Variants in HHAT observed in about 807,000 individuals in gnomAD.
HHAT encodes protein-cysteine N-palmitoyltransferase HHAT.
Under a neutral mutation model 70.8 loss-of-function variants are expected in HHAT, and 47 were observed. That is an observed-to-expected ratio of 0.66 (90% CI 0.53 to 0.85). HHAT has a LOEUF of 0.85. Ranked by LOEUF, HHAT falls within the 40% of genes least tolerant of loss-of-function variation. The pLI is 0.00. For missense variants in HHAT, 609 were observed against 604.8 expected (o/e 1.01, Z -0.07); for synonymous variants, 228 against 247.6 (o/e 0.92, Z 0.74).
chr1:210,419,378 G>A (rs1186309631), intron 7 of HHAT, among the ~76,000 whole-genome samples: 1 of 152,198 alleles, frequency 6.6e-6, no homozygotes, highest in Non-Finnish European at 1.5e-5. Flanking sequence ...TGTCTGTGGA[G>A]AAACCACTGT....
chr1:210,543,342 G>T (rs1202854202), intron 9 of HHAT, among the ~76,000 whole-genome samples: 1 of 141,446 alleles, frequency 7.1e-6, no homozygotes, highest in Non-Finnish European at 1.5e-5. Context: ...ATGCTCCAGG[G>T]TGTTTTTCTT....
At chr1:210,454,759 A>G (rs2093827230) in intron 7 of HHAT, among the ~76,000 whole-genome samples, 1 of 152,186 alleles carries the variant, frequency 6.6e-6, no homozygotes, top group African/African-American at 2.4e-5. Flanking sequence ...TCCTCCAGCA[A>G]CACATCTTTC....
intron 11 of HHAT, among the ~76,000 whole-genome samples, chr1:210,628,873 G>A (rs1232439982): frequency 6.6e-6 from 1 of 152,096 alleles, no homozygotes; most frequent in Non-Finnish European, 1.5e-5. Flanking sequence ...TTAAATTCTT[G>A]GGATTAAAAA....
At chr1:210,419,643 G>A (rs995337766) in intron 7 of HHAT, among the ~76,000 whole-genome samples, 5 of 152,112 alleles carry the variant, frequency 3.3e-5, no homozygotes, top group Non-Finnish European at 4.4e-5. Flanking sequence ...AACAAATCTT[G>A]ATTGTTCTTG....
intron 2 of HHAT, among the ~76,000 whole-genome samples, chr1:210,358,916 A>G (rs551896845): frequency 1.3e-5 from 2 of 152,348 alleles, no homozygotes; most frequent in Admixed American, 6.5e-5. Context: ...ATTGGCAGCG[A>G]TTAAAATGCA....
chr1:210,660,868 A>G (rs1677545111), intron 11 of HHAT, among the ~76,000 whole-genome samples: 1 of 152,230 alleles, frequency 6.6e-6, no homozygotes, highest in Non-Finnish European at 1.5e-5. Flanking sequence ...CCATATGTAG[A>G]AAGCTGAAAC....
intron 2 of HHAT, among the ~76,000 whole-genome samples, chr1:210,349,323 C>T (rs1011066986): frequency 1.3e-5 from 2 of 152,048 alleles, no homozygotes; most frequent in Non-Finnish European, 2.9e-5. Context: ...TATTGAAGGC[C>T]GTGGAGGGGA....
chr1:210,640,135 A>G (rs1003972430), intron 11 of HHAT, among the ~76,000 whole-genome samples: 1 of 152,154 alleles, frequency 6.6e-6, no homozygotes, highest in Non-Finnish European at 1.5e-5. Flanking sequence ...AGCCATTACT[A>G]TTCTGTGTAT....
intron 1 of HHAT, among the ~76,000 whole-genome samples, chr1:210,341,914 G>C (rs1477953770): frequency 1.3e-5 from 2 of 151,980 alleles, no homozygotes; most frequent in East Asian, 3.9e-4. Flanking sequence ...GGAAAACTTT[G>C]CTATGATTTC....
chr1:210,529,789 G>A (rs867708234), intron 9 of HHAT, among the ~76,000 whole-genome samples: 6 of 152,166 alleles, frequency 3.9e-5, no homozygotes, highest in South Asian at 2.1e-4. Context: ...TGCTGCCAGC[G>A]GTGTCACCAG....
intron 11 of HHAT, among the ~76,000 whole-genome samples, chr1:210,629,154 T>C (rs1169862959): frequency 1.3e-5 from 2 of 152,242 alleles, no homozygotes; most frequent in African/African-American, 4.8e-5. Context: ...CATTGGTCCA[T>C]TTATGACCAT....
chr1:210,511,478 A>C (rs1381631660), intron 8 of HHAT, among the ~76,000 whole-genome samples: 1 of 152,126 alleles, frequency 6.6e-6, no homozygotes, highest in Non-Finnish European at 1.5e-5. Context: ...GTCAGTAATC[A>C]CCTGTCATAT....
chr1:210,674,438 C>T lies in HHAT; in HGVS notation c.*59C>T, dbSNP rs1680818116. ...CCTCCAAGGCAAATAGTGCTTCACC[C>T]TGACCTCTCACTCCAGGACAGCCTC... On this transcript the variant is annotated 3_prime_UTR_variant, in exon 12 of 12. Transcript: ENST00000261458. 1 of 1,346,312 alleles carries T rather than the reference C, an allele frequency of 7.4e-7. No individual in the cohort carries two copies. Among genetic ancestry groups the T allele is most frequent in the African/African-American group, 1.4e-5 (1 of 69,716 alleles). 83.4% of individuals were successfully genotyped at this position (1,346,312 alleles called of 1,614,324 possible). A position where few individuals can be genotyped will look rare whatever the true frequency, so the allele number is the denominator to read the frequency against.
rs949795465 is a variant in HHAT at position 210,675,802 on chromosome 1, CAG to C, written c.*1426_*1427del. 1.1e-4 allele frequency: 16 copies of C among 152,184 alleles called. No homozygotes were observed. Among genetic ancestry groups the C allele is most frequent in the Admixed American group, 3.3e-4 (5 of 15,272 alleles). 9.4% of individuals were successfully genotyped at this position (152,184 alleles called of 1,614,324 possible). ...AGGCACATTATGTGTTAAAGCAAGA[CAG>C]AGGCCAGAGAGGGGCAGGTAGACCT... On this transcript the variant is annotated 3_prime_UTR_variant, in exon 12 of 12. Transcript: ENST00000261458.
chr1:210,360,102 C>G (rs1041464277), intron 2 of HHAT, among the ~76,000 whole-genome samples: 2 of 152,120 alleles, frequency 1.3e-5, no homozygotes, highest in Non-Finnish European at 2.9e-5. Flanking sequence ...GATGTCCTGC[C>G]ACAGGTTCTC....
At chr1:210,374,703 G>C (rs1186692922) in intron 3 of HHAT, among the ~76,000 whole-genome samples, 1 of 151,418 alleles carries the variant, frequency 6.6e-6, no homozygotes, top group Non-Finnish European at 1.5e-5. Context: ...TTTACAGGAA[G>C]TTGCAGCAGT....
At chr1:210,455,383 G>A (rs1326158861) in intron 7 of HHAT, among the ~76,000 whole-genome samples, 2 of 152,158 alleles carry the variant, frequency 1.3e-5, no homozygotes, top group African/African-American at 4.8e-5. Flanking sequence ...CATACGTTGT[G>A]CTCTTTGAGG....
intron 9 of HHAT, among the ~76,000 whole-genome samples, chr1:210,577,346 A>G (rs1658045961): frequency 2.0e-5 from 3 of 152,156 alleles, no homozygotes; most frequent in African/African-American, 7.2e-5. Context: ...TATTGAAATA[A>G]ATTCATTCCG....
chr1:210,357,826 T>A (rs2087813463), intron 2 of HHAT, among the ~76,000 whole-genome samples: 1 of 152,054 alleles, frequency 6.6e-6, no homozygotes. Context: ...TCTCAAAAAA[T>A]AAAATAAAAT....
Sources: gnomAD v4.1 joint callset for allele counts (sites outside exome capture counted in the v4.1 genomes callset) on GRCh38, gnomAD v4.1.1 for gene constraint, MANE v1.5 for transcripts, NCBI Gene and HGNC (gene_info 2026-07-23, HGNC 2026-07-21) for gene names.